RFTN2: variants seen among roughly 807,000 people sequenced by gnomAD.
The protein encoded by RFTN2 is raftlin family member 2, also known as raftlin-2.
Under a neutral mutation model 52.7 loss-of-function variants are expected in RFTN2, and 34 were observed. The ratio of observed to expected loss-of-function variants is 0.64; its 90% CI spans 0.49 to 0.86. The LOEUF is 0.86. RFTN2 is among the 40% of genes least tolerant of loss of function. The pLI is 0.00. For missense variants in RFTN2, 536 were observed against 600.1 expected (o/e 0.89, Z 1.12); for synonymous variants, 203 against 217.7 (o/e 0.93, Z 0.59).
chr2:197,631,157 T>C lies in RFTN2; in HGVS notation c.782A>G (p.Tyr261Cys). 1 of 1,613,592 alleles carries C rather than the reference T, an allele frequency of 6.2e-7. No individual in the cohort carries two copies. Among genetic ancestry groups the C allele is most frequent in the African/African-American group, 1.3e-5 (1 of 75,006 alleles). Residue 261 changes from tyrosine to cysteine, a missense_variant, in exon 5 of 9, where the codon TAT (tyrosine) becomes TGT (cysteine). Transcript: ENST00000295049. ...AFDDDSTSWA[Y>C]QEGILSMKVT... ...TTTCATTGACAGGATGCCTTCCTGA[T>C]AGGCCCAGGAGGTTGAATCATCATC...
chr2:197,617,797 C>A lies in RFTN2; in HGVS notation c.1050+3G>T, dbSNP rs765200359. 1.4e-6 allele frequency: 2 copies of A among 1,454,086 alleles called. No homozygotes were observed. The highest frequency in any genetic ancestry group is 1.6e-5 in the South Asian group (1 of 62,034). The allele number at this position is 1,454,086 out of a possible 1,614,324, so 90.1% of individuals were successfully genotyped here. A position where few individuals can be genotyped will look rare whatever the true frequency, so the allele number is the denominator to read the frequency against. ...GCTAAATTGTCAGAAAACTGCAGCT[C>A]ACCTCAATAACAGTCCATTGTTCTA... is the stretch of plus-strand genomic sequence containing the variant. On this transcript the variant is annotated splice_donor_region_variant and intron_variant, in intron 6 of 8. Coordinates refer to ENST00000295049, the MANE Select transcript of RFTN2 (RefSeq NM_144629.3).
At chr2:197,576,272 C>T (rs2087417983) in intron 8 of RFTN2, among the ~76,000 whole-genome samples, 1 of 152,056 alleles carries the variant, frequency 6.6e-6, no homozygotes, top group African/African-American at 2.4e-5. Context: ...TCCCAAAGTG[C>T]TGGGATTACT....
intron 7 of RFTN2, among the ~76,000 whole-genome samples, chr2:197,609,549 T>G (rs1027287023): frequency 9.2e-5 from 14 of 152,244 alleles, no homozygotes; most frequent in Admixed American, 3.9e-4. Context: ...GTCAGATGGA[T>G]AGATTGCAAA....
At chr2:197,637,627 CTCTT>C (rs1281183493) in intron 3 of RFTN2, among the ~76,000 whole-genome samples, 120 of 152,040 alleles carry the variant, frequency 7.9e-4, no homozygotes, top group African/African-American at 2.7e-3. Context: ...TGATTCTTCT[CTCTT>C]TTTCTTTATT....
chr2:197,619,431 T>C (rs1464996750), intron 5 of RFTN2, among the ~76,000 whole-genome samples: 158 of 152,292 alleles, frequency 1.0e-3, no homozygotes, highest in Non-Finnish European at 1.9e-3. Flanking sequence ...TCCTGTTGAT[T>C]GGTGACCTTA....
chr2:197,652,782 G>A (rs987851908), intron 1 of RFTN2, among the ~76,000 whole-genome samples: 1 of 152,084 alleles, frequency 6.6e-6, no homozygotes, highest in African/African-American at 2.4e-5. Context: ...TGGTACAAAG[G>A]TCTCCCAAAC....
chr2:197,583,444 T>C (rs1435547943), intron 8 of RFTN2, among the ~76,000 whole-genome samples: 1 of 152,172 alleles, frequency 6.6e-6, no homozygotes, highest in African/African-American at 2.4e-5. Context: ...TACATTCCGA[T>C]AATGGACCGG....
intron 7 of RFTN2, among the ~76,000 whole-genome samples, chr2:197,614,110 G>A (rs1310635231): frequency 6.6e-6 from 1 of 152,196 alleles, no homozygotes; most frequent in South Asian, 2.1e-4. Context: ...CAATACATAA[G>A]CTTGATCTGC....
At chr2:197,637,220 G>T (rs1428243310) in intron 3 of RFTN2, among the ~76,000 whole-genome samples, 8 of 151,818 alleles carry the variant, frequency 5.3e-5, no homozygotes, top group East Asian at 3.9e-4. Flanking sequence ...TTGTGTCTCT[G>T]CCCGGCTTTG....
intron 5 of RFTN2, among the ~76,000 whole-genome samples, chr2:197,628,792 A>T (rs1421065606): frequency 6.6e-6 from 1 of 152,236 alleles, no homozygotes; most frequent in African/African-American, 2.4e-5. Flanking sequence ...TACATTTATT[A>T]TATCTTGTTA....
chr2:197,630,655 T>G (rs2088454092), intron 5 of RFTN2, among the ~76,000 whole-genome samples: 1 of 152,208 alleles, frequency 6.6e-6, no homozygotes, highest in Non-Finnish European at 1.5e-5. Context: ...ATTGGGATAA[T>G]GTAATAAATA....
chr2:197,603,744 G>T (rs771580421), intron 7 of RFTN2, among the ~76,000 whole-genome samples: 2 of 152,072 alleles, frequency 1.3e-5, no homozygotes, highest in Non-Finnish European at 2.9e-5. Flanking sequence ...GTGAAACTCC[G>T]TCTCTACTAA....
chr2:197,618,033 A>C, intron 5 of RFTN2, 112 bp from the exon 6 acceptor site: 1 of 847,780 alleles, frequency 1.2e-6, no homozygotes, highest in Non-Finnish European at 1.6e-6. Context: ...CATTTCAATT[A>C]AAAAACATTT....
chr2:197,604,241 G>A (rs2087924472), intron 7 of RFTN2, among the ~76,000 whole-genome samples: 1 of 152,194 alleles, frequency 6.6e-6, no homozygotes, highest in African/African-American at 2.4e-5. Context: ...AGCTAAAGAA[G>A]TGCCCTATGA....
chr2:197,674,302 G>C (rs1331570162), intron 1 of RFTN2, among the ~76,000 whole-genome samples: 2 of 108,480 alleles, frequency 1.8e-5, no homozygotes, highest in African/African-American at 7.1e-5. Flanking sequence ...GGCTGCTCTT[G>C]CTTCTTGCAC....
intron 8 of RFTN2, among the ~76,000 whole-genome samples, chr2:197,578,763 G>C (rs1011531320): frequency 6.6e-6 from 1 of 152,132 alleles, no homozygotes; most frequent in Non-Finnish European, 1.5e-5. Flanking sequence ...CTCTTCACAC[G>C]GATGCGCATG....
chr2:197,600,340 C>T (rs1277044429), intron 7 of RFTN2, among the ~76,000 whole-genome samples: 2 of 152,198 alleles, frequency 1.3e-5, no homozygotes, highest in Non-Finnish European at 2.9e-5. Context: ...AGGTCAGCAT[C>T]TGCCTACCTC....
chr2:197,646,455 C>T lies in RFTN2; in HGVS notation c.323+28G>A, dbSNP rs1034984924. The T allele has an allele frequency of 8.9e-6, 14 of 1,575,382 alleles. No homozygotes were observed. The African/African-American group carries it at 1.6e-4, about 18-fold the overall frequency. The stretch of plus-strand genomic sequence containing the variant: ...AGACAAAGAGAACTGTCACCCTCAC[C>T]TGCCTCTTTCTTGAATAGTGTGCTT... On this transcript the variant is annotated intron_variant, in intron 2 of 8. Coordinates refer to ENST00000295049, the MANE Select transcript of RFTN2 (RefSeq NM_144629.3).
At chr2:197,595,806 G>C (rs964903392) in intron 8 of RFTN2, among the ~76,000 whole-genome samples, 185 bp downstream of exon 8, 1 of 152,192 alleles carries the variant, frequency 6.6e-6, no homozygotes, top group Non-Finnish European at 1.5e-5. Flanking sequence ...TTTTGTGATG[G>C]CATATTATAA....
Sources: gnomAD v4.1 joint callset for allele counts (sites outside exome capture counted in the v4.1 genomes callset) on GRCh38, gnomAD v4.1.1 for gene constraint, MANE v1.5 for transcripts, NCBI Gene and HGNC (gene_info 2026-07-23, HGNC 2026-07-21) for gene names.